Variants in CCDC57 observed in about 807,000 individuals in gnomAD.
CCDC57 encodes coiled-coil domain containing 57.
CCDC57 carries 118 observed loss-of-function variants against 118.9 expected under a neutral mutation model. The observed-to-expected ratio is 0.99, with a 90% CI of 0.86 to 1.16. CCDC57 has a LOEUF of 1.16. CCDC57 is among the 50% of genes most tolerant of loss of function. CCDC57 has a pLI of 0.00. For synonymous variants in CCDC57, 527 were observed against 532.9 expected, an observed-to-expected ratio of 0.99 and a Z score of 0.15; for missense variants, 1,300 against 1,320.7, an observed-to-expected ratio of 0.98 and a Z score of 0.24.
At chr17:82,146,085 G>T (rs1032357257) in intron 16 of CCDC57, among the ~76,000 whole-genome samples, 2 of 152,208 alleles carry the variant, frequency 1.3e-5, no homozygotes, top group East Asian at 3.8e-4. Flanking sequence ...TGAGGCAGCT[G>T]CAGGTGACCC....
chr17:82,164,127 G>T (rs1424407682), intron 13 of CCDC57, among the ~76,000 whole-genome samples: 3 of 152,120 alleles, frequency 2.0e-5, no homozygotes, highest in African/African-American at 7.2e-5. Flanking sequence ...TGTAATCTCA[G>T]CACTTTGGGA....
intron 17 of CCDC57, among the ~76,000 whole-genome samples, chr17:82,132,720 ATTTATT>A (rs1451048569): frequency 2.1e-5 from 3 of 143,620 alleles, no homozygotes; most frequent in Non-Finnish European, 4.6e-5. Context: ...CAAATGGGTA[ATTTATT>A]TTTATTTTTA....
At chr17:82,145,721 C>T (rs2040639062) in intron 16 of CCDC57, 1 of 389,770 alleles carries the variant, frequency 2.6e-6, no homozygotes, top group Non-Finnish European at 5.2e-6. Context: ...CAGGGTCCCA[C>T]AGCACCTGCC....
chr17:82,111,603 C>T (rs997835718), intron 19 of CCDC57, among the ~76,000 whole-genome samples: 1 of 151,176 alleles, frequency 6.6e-6, no homozygotes, highest in African/African-American at 2.4e-5. Flanking sequence ...TATATGTTTT[C>T]TTGTTTTTTG....
chr17:82,191,962 C>G (rs1174229707), intron 7 of CCDC57, among the ~76,000 whole-genome samples: 2 of 151,382 alleles, frequency 1.3e-5, no homozygotes, highest in Non-Finnish European at 2.9e-5. Context: ...GCCACCATGC[C>G]CAACCTAATT....
chr17:82,149,977 GCACCCAGAACCAGGCGCA>G (rs1366398690), intron 16 of CCDC57, among the ~76,000 whole-genome samples: 16 of 109,424 alleles, frequency 1.5e-4, no homozygotes, highest in South Asian at 6.0e-4. Context: ...AACCTGACCC[GCACCCAGAACCAGGCGCA>G]CACCCAGAAC....
At chr17:82,188,565 C>A in intron 7 of CCDC57, 146 bp from the exon 7 acceptor site, 1 of 818,294 alleles carries the variant, frequency 1.2e-6, no homozygotes. Flanking sequence ...ACCTGGCCAC[C>A]TGTTCCTCAT....
intron 3 of CCDC57, among the ~76,000 whole-genome samples, chr17:82,198,804 C>T (rs1460983678): frequency 3.3e-5 from 5 of 151,650 alleles, no homozygotes; most frequent in Admixed American, 2.6e-4. Context: ...TCCTGGCTAA[C>T]ACGGTGAAAC....
exon 20 of CCDC57, chr17:82,101,808 G>A (rs2034468706): frequency 1.2e-6 from 2 of 1,602,086 alleles, no homozygotes; most frequent in Non-Finnish European, 1.7e-6. Flanking sequence ...TCCCTGGGGT[G>A]GCAATGCCTG....
intron 17 of CCDC57, among the ~76,000 whole-genome samples, chr17:82,129,584 G>A (rs2038013830): frequency 6.6e-6 from 1 of 152,156 alleles, no homozygotes; most frequent in Admixed American, 6.5e-5. Flanking sequence ...TAAGGTCCCT[G>A]ATGCCAGTGA....
At chr17:82,168,238 A>G (rs1332320662) in intron 13 of CCDC57, among the ~76,000 whole-genome samples, 1 of 152,144 alleles carries the variant, frequency 6.6e-6, no homozygotes, top group East Asian at 1.9e-4. Context: ...CTGAGAACCC[A>G]CTACCGCTCC....
In CCDC57 at chr17:82,212,142, T is replaced by C. The variant is rs2050211600; in HGVS notation, c.-211+643A>G. Among the ~76,000 whole-genome samples the C allele has an allele frequency of 2.0e-5, 3 of 152,172 alleles. No individual in the cohort carries two copies. The highest frequency in any genetic ancestry group is 2.0e-4 in the Admixed American group (3 of 15,272). Reference sequence around the variant, plus strand: ...AGGACTCCTGAGTAGTCTCAGAGTGTGGCGTTCTCTCTATAACTCCCTCAG... The same window carrying C: ...AGGACTCCTGAGTAGTCTCAGAGTGCGGCGTTCTCTCTATAACTCCCTCAG... On this transcript the variant is annotated intron_variant, in intron 1 of 19. Transcript: ENST00000665763. This position sits in a 1 kb window ranked among gnomAD's most constrained non-coding sequence, Gnocchi z 4.1.
At chr17:82,199,741 A>G (rs1359503676) in intron 3 of CCDC57, among the ~76,000 whole-genome samples, 1 of 152,178 alleles carries the variant, frequency 6.6e-6, no homozygotes, top group Non-Finnish European at 1.5e-5. Context: ...GCTGAGCACC[A>G]GCCTTCATGC....
chr17:82,178,502 A>G (rs2045805006), exon 11 of CCDC57: 1 of 1,613,398 alleles, frequency 6.2e-7, no homozygotes, highest in African/African-American at 1.3e-5. Flanking sequence ...GAGCCCATGC[A>G]TCCTCAGGGC....
At chr17:82,171,612 G>C in intron 13 of CCDC57, 89 bp downstream of exon 12, 2 of 1,413,792 alleles carry the variant, frequency 1.4e-6, no homozygotes, top group Non-Finnish European at 1.9e-6. Context: ...GTAGCCTTGA[G>C]CTGTATATTT....
chr17:82,159,276 G>T (rs1390116458), intron 14 of CCDC57, among the ~76,000 whole-genome samples: 1 of 152,166 alleles, frequency 6.6e-6, no homozygotes, highest in Non-Finnish European at 1.5e-5. Flanking sequence ...TGAGATTACA[G>T]GTGTGTACCA....
At chr17:82,193,699 C>A in intron 7 of CCDC57, 57 bp downstream of exon 6, 3 of 1,469,372 alleles carry the variant, frequency 2.0e-6, no homozygotes, top group Non-Finnish European at 2.8e-6. Context: ...GGTTCCACTT[C>A]CCTCCTCTCC....
At chr17:82,151,623 G>C in exon 16 of CCDC57, 2 of 1,550,402 alleles carry the variant, frequency 1.3e-6, no homozygotes, top group Non-Finnish European at 8.7e-7. Context: ...TCTTTCTCCA[G>C]GCGGAGGCTG....
chr17:82,175,119 G>A (rs2045302198), intron 11 of CCDC57, among the ~76,000 whole-genome samples: 1 of 152,258 alleles, frequency 6.6e-6, no homozygotes, highest in Non-Finnish European at 1.5e-5. Flanking sequence ...CAGCCATTTA[G>A]ATTCTGTTCG....
Sources: gnomAD v4.1 joint callset for allele counts (sites outside exome capture counted in the v4.1 genomes callset) on GRCh38, gnomAD v4.1.1 for gene constraint, Gnocchi (gnomAD v3.1) non-coding constraint, MANE v1.5 for transcripts, NCBI Gene and HGNC (gene_info 2026-07-23, HGNC 2026-07-21) for gene names.